The following ARHGAP26 variants were observed in gnomAD, a reference collection of about 807,000 sequenced individuals.
The protein encoded by ARHGAP26 is Rho GTPase activating protein 26, also known as rho GTPase-activating protein 26.
Under a neutral mutation model 104.8 loss-of-function variants are expected in ARHGAP26, and 38 were observed. The observed-to-expected ratio is 0.36, with a 90% confidence interval of 0.28 to 0.48. The LOEUF (loss-of-function observed/expected upper bound fraction) is 0.48. Ranked by LOEUF, ARHGAP26 falls within the 20% of genes least tolerant of loss-of-function variation. ARHGAP26 has a pLI of 0.99. For missense variants in ARHGAP26, 704 were observed against 947.9 expected, an observed-to-expected ratio of 0.74 and a Z score of 3.38; for synonymous variants, 341 against 340.0, an observed-to-expected ratio of 1.00 and a Z score of -0.03.
intron 1 of ARHGAP26, among the ~76,000 whole-genome samples, chr5:142,793,398 A>G (rs2151922065): frequency 6.6e-6 from 1 of 151,398 alleles, no homozygotes; most frequent in Middle Eastern, 3.4e-3. Context: ...CTCTAATCTG[A>G]TCACTTGGTG....
At chr5:143,090,816 T>A (rs1265207750) in intron 17 of ARHGAP26, among the ~76,000 whole-genome samples, 2 of 152,212 alleles carry the variant, frequency 1.3e-5, no homozygotes, top group Non-Finnish European at 2.9e-5. Context: ...AAGCTTTACA[T>A]TGGGGAGCAA....
At chr5:143,012,560 T>TATATTTATATATATAC (rs1778989897) in intron 11 of ARHGAP26, among the ~76,000 whole-genome samples, 3 of 70,632 alleles carry the variant, frequency 4.2e-5, no homozygotes, top group Admixed American at 1.6e-4. Flanking sequence ...TACATATATA[T>TATATTTATATATATAC]ATATATATAT....
intron 1 of ARHGAP26, among the ~76,000 whole-genome samples, chr5:142,821,428 G>T (rs1381865628): frequency 6.7e-6 from 1 of 149,958 alleles, no homozygotes; most frequent in Non-Finnish European, 1.5e-5. Flanking sequence ...ATACCTGCAA[G>T]TGCACTCTTA....
At chr5:142,911,031 C>T (rs1761756883) in intron 9 of ARHGAP26, among the ~76,000 whole-genome samples, 1 of 152,130 alleles carries the variant, frequency 6.6e-6, no homozygotes, top group Non-Finnish European at 1.5e-5. Context: ...GGATTATTTT[C>T]CTTTAAAAGT....
chr5:143,160,076 T>G, intron 20 of ARHGAP26, among the ~76,000 whole-genome samples: 1 of 151,324 alleles, frequency 6.6e-6, no homozygotes, highest in Non-Finnish European at 1.5e-5. Flanking sequence ...TTTTTTTTTT[T>G]TGAGACGGAG....
intron 17 of ARHGAP26, among the ~76,000 whole-genome samples, chr5:143,084,335 C>G (rs246639): frequency 0.03 from 4,635 of 152,298 alleles, 96 homozygotes; most frequent in South Asian, 0.084. Flanking sequence ...CAGCCATGAG[C>G]TCTAGATTCT....
intron 20 of ARHGAP26, among the ~76,000 whole-genome samples, chr5:143,161,240 G>A (rs746635534): frequency 1.4e-4 from 21 of 151,952 alleles, no homozygotes; most frequent in Admixed American, 2.6e-4. Flanking sequence ...TCAAACTCCT[G>A]ACCTCAGGTG....
chr5:143,097,360 G>GAAAAAAAAAAAA (rs56116431), intron 17 of ARHGAP26, among the ~76,000 whole-genome samples: 6 of 63,232 alleles, frequency 9.5e-5, no homozygotes, highest in African/African-American at 9.9e-5. Flanking sequence ...TCAAAAAAAA[G>GAAAAAAAAAAAA]AAAAAAAAAA....
intron 18 of ARHGAP26, among the ~76,000 whole-genome samples, chr5:143,127,708 C>T (rs528556393): frequency 6.6e-6 from 1 of 152,306 alleles, no homozygotes; most frequent in East Asian, 1.9e-4. Flanking sequence ...TCTGCTTTTA[C>T]CAAAATATTG....
intron 17 of ARHGAP26, among the ~76,000 whole-genome samples, chr5:143,062,516 T>TG (rs1786861384): frequency 7.9e-6 from 1 of 126,114 alleles, no homozygotes; most frequent in Admixed American, 9.0e-5. Flanking sequence ...TGTTGTAGCT[T>TG]GGGTTTTTTT....
chr5:142,846,306 GGGT>G (rs1188519368), intron 1 of ARHGAP26, among the ~76,000 whole-genome samples: 1 of 152,170 alleles, frequency 6.6e-6, no homozygotes, highest in Non-Finnish European at 1.5e-5. Context: ...AAGCTCAGAG[GGGT>G]GCCGAGGTAT....
chr5:142,808,509 G>A (rs1231273540), intron 1 of ARHGAP26, among the ~76,000 whole-genome samples: 1 of 151,318 alleles, frequency 6.6e-6, no homozygotes, highest in Non-Finnish European at 1.5e-5. Flanking sequence ...GATACGGCTA[G>A]TGTCACTCAC....
intron 6 of ARHGAP26, among the ~76,000 whole-genome samples, 159 bp from the exon 7 acceptor site, chr5:142,901,776 A>G (rs1013603769): frequency 1.3e-5 from 2 of 152,228 alleles, no homozygotes; most frequent in Non-Finnish European, 2.9e-5. Context: ...AGGGCATGGA[A>G]GGGCATAGTG....
intron 17 of ARHGAP26, among the ~76,000 whole-genome samples, chr5:143,098,519 A>C (rs2150590170): frequency 6.6e-6 from 1 of 152,308 alleles, no homozygotes; most frequent in South Asian, 2.1e-4. Context: ...AAGCTAGTGT[A>C]ATTTTAATCT....
intron 1 of ARHGAP26, among the ~76,000 whole-genome samples, chr5:142,858,850 C>T (rs1045847559): frequency 2.6e-5 from 4 of 152,134 alleles, no homozygotes; most frequent in Non-Finnish European, 4.4e-5. Flanking sequence ...GGAAGTGACC[C>T]TTCATGGAGA....
At chr5:142,948,691 G>C (rs536557133) in intron 11 of ARHGAP26, among the ~76,000 whole-genome samples, 1 of 151,608 alleles carries the variant, frequency 6.6e-6, no homozygotes, top group Non-Finnish European at 1.5e-5. Flanking sequence ...AGGTTAGAAG[G>C]GGATATAAAG....
intron 18 of ARHGAP26, among the ~76,000 whole-genome samples, chr5:143,129,438 C>T (rs915738658): frequency 2.6e-5 from 4 of 152,172 alleles, no homozygotes; most frequent in Non-Finnish European, 5.9e-5. Context: ...AAGGTCACAG[C>T]GCTAGTAAGT....
At chr5:143,106,814 G>A (rs1794092674) in intron 17 of ARHGAP26, among the ~76,000 whole-genome samples, 2 of 152,092 alleles carry the variant, frequency 1.3e-5, no homozygotes, top group African/African-American at 4.8e-5. Flanking sequence ...CATTGCTGAT[G>A]CTTGTGGTTG....
intron 1 of ARHGAP26, among the ~76,000 whole-genome samples, chr5:142,798,063 G>A (rs1435192574): frequency 6.6e-6 from 1 of 152,142 alleles, no homozygotes; most frequent in Non-Finnish European, 1.5e-5. Context: ...CATTTGCCAG[G>A]TGGACTCATT....
Sources: allele counts gnomAD v4.1 joint callset (sites outside exome capture counted in the v4.1 genomes callset), GRCh38; gene constraint gnomAD v4.1.1; transcripts MANE v1.5; gene names NCBI Gene and HGNC (gene_info 2026-07-23, HGNC 2026-07-21).